Variants in MAGEC2 observed in about 807,000 individuals in gnomAD.
The protein encoded by MAGEC2 is melanoma-associated antigen C2.
For synonymous variants in MAGEC2, 127 were observed against 115.1 expected (o/e 1.10, Z -0.66); for missense variants, 332 against 282.3 (o/e 1.18, Z -1.26).
rs140435962 is a variant in MAGEC2, at chrX:142,203,970, G to A, written c.18C>T (p.Gly6=). The A allele has an allele frequency of 4.2e-5, 50 of 1,179,002 alleles. No individual in the cohort carries two copies. Among genetic ancestry groups the A allele is most frequent in the African/African-American group, 2.5e-4 (14 of 56,035 alleles). ...CGTTGTCAACGTTGCGGAATGGAACGCCTGGAACGGGAGGCATGACGACTT... is the reference window on the plus strand; with the variant it reads ...CGTTGTCAACGTTGCGGAATGGAACACCTGGAACGGGAGGCATGACGACTT... MPPVP[G]VPFRNVDNDS... The change falls in exon 3 of 3, where the codon GGC becomes GGT. Residue 6 remains glycine, a synonymous_variant. Transcript: ENST00000247452.
In MAGEC2 at chrX:142,203,979, G is replaced by C; in HGVS notation, c.9C>G (p.Pro3=). Residue 3 remains proline, a synonymous_variant, in exon 3 of 3, where the codon CCC becomes CCG. Transcript: ENST00000247452. The stretch of plus-strand genomic sequence containing the variant: ...CGTTGCGGAATGGAACGCCTGGAAC[G>C]GGAGGCATGACGACTTCTTCAGGAG... The part of the protein sequence containing the change: MP[P]VPGVPFRNVD... The C allele has an allele frequency of 8.5e-7, 1 of 1,183,428 alleles. No homozygotes were observed. The highest frequency in any genetic ancestry group is 3.0e-5 in the East Asian group (1 of 33,598).
At position 142,203,124 on chromosome X, in the gene MAGEC2, C is replaced by T. The variant is rs1040928914; in HGVS notation, c.864G>A (p.Glu288=). The part of the protein sequence containing the change: ...WVQGHYLEYR[E]VPHSSPPYYE... ...AATATGGAGGAGAACTGTGGGGCAC[C>T]TCCCGATACTCCAGGTAATGTCCCT... Residue 288 remains glutamate, a synonymous_variant, in exon 3 of 3, where the codon GAG becomes GAA. Transcript: ENST00000247452. 1.7e-6 allele frequency: 2 copies of T among 1,209,414 alleles called. No individual in the cohort carries two copies. Among genetic ancestry groups the T allele is most frequent in the Admixed American group, 2.2e-5 (1 of 45,713 alleles).
rs756273706 is a variant in MAGEC2 at position 142,203,399 on chromosome X, G to A, written c.589C>T (p.Leu197=). The A allele has an allele frequency of 1.7e-5, 21 of 1,211,636 alleles. No homozygotes were observed. The South Asian group carries it at 3.5e-4, about 20-fold the overall frequency. Residue 197 remains leucine (L), a synonymous_variant, in exon 3 of 3, where the codon CTG becomes TTG. Transcript: ENST00000247452. ...AAGTGGTCAGGGCCCACTTCTATCA[G>A]GGCAAGGCCAAAAAGAAGCTCCATG... The part of the protein sequence containing the change: ...EFMELLFGLA[L]IEVGPDHFCV...
Position 142,203,407 on chromosome X carries a change from C to T in MAGEC2, c.581G>A (p.Gly194Asp), listed in dbSNP as rs1485188691. The T allele has an allele frequency of 3.3e-6, 4 of 1,211,330 alleles. No homozygotes were observed. The highest frequency in any genetic ancestry group is 3.0e-5 in the East Asian group (1 of 33,785). Reference protein sequence around the residue: ...RAREFMELLFGLALIEVGPDH... With the variant: ...RAREFMELLFDLALIEVGPDH... ...AGGGCCCACTTCTATCAGGGCAAGG[C>T]CAAAAAGAAGCTCCATGAACTCACG... is the stretch of plus-strand genomic sequence containing the variant. The change falls in exon 3 of 3, where the codon GGC (glycine) becomes GAC (aspartate). Residue 194 changes from glycine to aspartate, a missense_variant. By Grantham distance (94) the Gly-to-Asp change is moderately conservative (BLOSUM62 -1). Transcript: ENST00000247452.
At position 142,203,540 on chromosome X, in the gene MAGEC2, C is replaced by T. The variant is rs765668040; in HGVS notation, c.448G>A (p.Glu150Lys). ...GCTTCGTATTTGAGGAGCAGGAACT[C>T]CACTAACTCGGCCACCTTTTCATCT... ...TLDEKVAELVEFLLLKYEAEE... is the reference protein window; with the variant it reads ...TLDEKVAELVKFLLLKYEAEE... The change falls in exon 3 of 3, where the codon GAG becomes AAG. Residue 150 changes from glutamate (E) to lysine (K), a missense_variant. Physicochemically the swap from Glu to Lys is moderately conservative, Grantham distance 56. Transcript: ENST00000247452. 8.3e-7 allele frequency: 1 copy of T among 1,209,065 alleles called. No homozygotes were observed. Among genetic ancestry groups the T allele is most frequent in the African/African-American group, 1.8e-5 (1 of 56,826 alleles).
In MAGEC2 at chrX:142,202,846, GGAA is replaced by G; in HGVS notation, c.*17_*19del. 8.4e-7 allele frequency: 1 copy of G among 1,192,514 alleles called. No homozygotes were observed. The highest frequency in any genetic ancestry group is 1.1e-6 in the Non-Finnish European group (1 of 885,517). ...TAAACTGCCCTGTTCAAACACAAGG[GGAA>G]GAAACTATCCTAGACTTCACTCAGA... On this transcript the variant is annotated 3_prime_UTR_variant, in exon 3 of 3. Coordinates refer to ENST00000247452, the MANE Select transcript of MAGEC2 (RefSeq NM_016249.4).
In MAGEC2 at chrX:142,202,757, G is replaced by T; in HGVS notation, c.*109C>A. On this transcript the variant is annotated 3_prime_UTR_variant, in exon 3 of 3. Transcript: ENST00000247452. ...AGGTAAATCTCTACATCACCCATAT[G>T]GGACAGAAATGCAAAGAACACTACG... The T allele has an allele frequency of 1.3e-6, 1 of 754,449 alleles. No homozygotes were observed. Among genetic ancestry groups the T allele is most frequent in the South Asian group, 3.0e-5 (1 of 33,317 alleles). The allele number at this position is 754,449 out of a possible 1,213,427, so 62.2% of individuals were successfully genotyped here. A position where few individuals can be genotyped will look rare whatever the true frequency, so the allele number is the denominator to read the frequency against.
rs765734550 is a variant in MAGEC2 at position 142,202,958 on chromosome X, C to A, written c.1030G>T (p.Val344Phe). 4 of 1,211,631 alleles carry A rather than the reference C, an allele frequency of 3.3e-6. No homozygotes were observed. In the South Asian group the frequency reaches 7.0e-5, roughly 21 times the overall value. The change falls in exon 3 of 3, where the codon GTC (valine) becomes TTC (phenylalanine). Residue 344 changes from valine (V) to phenylalanine (F), a missense_variant. Val to Phe is a conservative substitution (Grantham distance 50, BLOSUM62 -1). Transcript: ENST00000247452. ...TCTGCGGTATCAATTGTGGCCTGGA[C>A]TCTCTCTTCCACATCTTTCAAAGCA... ...KDALKDVEER[V>F]QATIDTADDA... is the part of the protein sequence containing the mutation.
In MAGEC2 at chrX:142,203,563, T is replaced by C. The variant is rs780662067; in HGVS notation, c.425A>G (p.Asp142Gly). The stretch of plus-strand genomic sequence containing the variant: ...CTCCACTAACTCGGCCACCTTTTCA[T>C]CTAGTGTATATGTGAAAGAGGACTC... ...DSESSFTYTL[D>G]EKVAELVEFL... Residue 142 changes from aspartate to glycine, a missense_variant, in exon 3 of 3, where the codon GAT (aspartate) becomes GGT (glycine). Physicochemically the swap from Asp to Gly is moderately conservative, Grantham distance 94. Coordinates refer to ENST00000247452, the MANE Select transcript of MAGEC2 (RefSeq NM_016249.4). 40 of 1,208,671 alleles carry C rather than the reference T, an allele frequency of 3.3e-5. No homozygotes were observed. The highest frequency in any genetic ancestry group is 3.7e-5 in the Non-Finnish European group (33 of 894,813).
In MAGEC2 at chrX:142,204,730, T is replaced by C. The variant is rs1931209720; in HGVS notation, c.-160-275A>G. Among the ~76,000 whole-genome samples the C allele has an allele frequency of 3.6e-5, 4 of 111,344 alleles. No homozygotes were observed. In the South Asian group the frequency reaches 1.5e-3, roughly 43 times the overall value. On this transcript the variant is annotated intron_variant, in intron 1 of 2. Transcript: ENST00000247452. ...GCAGCCACCTCCCAGCACTCTACCA[T>C]GGGGGCAGTCGGGGTAGCCTCACGT...
intron 1 of MAGEC2, 102 bp downstream of exon 1, chrX:142,205,001 G>C (rs779168413): frequency 6.3e-4 from 70 of 111,959 alleles, no homozygotes; most frequent in African/African-American, 2.1e-3. Context: ...TGCCCTCTGA[G>C]GTGGGGGTTC....
intron 2 of MAGEC2, 82 bp from the exon 3 acceptor site, chrX:142,204,135 C>G: frequency 8.6e-7 from 1 of 1,168,944 alleles, no homozygotes; most frequent in East Asian, 3.0e-5. Flanking sequence ...CCTTACAGCT[C>G]TTCTTCTCTT....
In MAGEC2 at chrX:142,203,110, G is replaced by C; in HGVS notation, c.878C>G (p.Ser293Cys). 8.3e-7 allele frequency: 1 copy of C among 1,211,451 alleles called. No individual in the cohort carries two copies. Among genetic ancestry groups the C allele is most frequent in the Non-Finnish European group, 1.1e-6 (1 of 895,423 alleles). Reference protein sequence around the residue: ...YLEYREVPHSSPPYYEFLWGP... With the variant: ...YLEYREVPHSCPPYYEFLWGP... ...CCACAGGAATTCATAATATGGAGGAGAACTGTGGGGCACCTCCCGATACTC... is the reference window on the plus strand; with the variant it reads ...CCACAGGAATTCATAATATGGAGGACAACTGTGGGGCACCTCCCGATACTC... Residue 293 changes from serine (S) to cysteine (C), a missense_variant, in exon 3 of 3, where the codon TCT (serine) becomes TGT (cysteine). Physicochemically the swap from Ser to Cys is moderately radical, Grantham distance 112. Transcript: ENST00000247452.
chrX:142,204,477 C>A (rs1731032999), intron 1 of MAGEC2, 22 bp from the exon 2 acceptor site: 1 of 163,192 alleles, frequency 6.1e-6, no homozygotes, highest in African/African-American at 3.1e-5. Flanking sequence ...AGTGAGGGAG[C>A]CCCTCAGGCT....
Position 142,203,210 on chromosome X carries a change from C to A in MAGEC2, c.778G>T (p.Ala260Ser). The change falls in exon 3 of 3, where the codon GCT becomes TCT. Residue 260 changes from alanine to serine, a missense_variant. Physicochemically the swap from Ala to Ser is moderately conservative, Grantham distance 99. Transcript: ENST00000247452. ...CCATAGACGAAGTGCTCCCTCCCAG[C>A]ATATACCCCTACTGCATTCAGCACT... ...WEVLNAVGVY[A>S]GREHFVYGEP... The A allele has an allele frequency of 8.3e-7, 1 of 1,211,554 alleles. No individual in the cohort carries two copies. Among genetic ancestry groups the A allele is most frequent in the Non-Finnish European group, 1.1e-6 (1 of 895,443 alleles).
At position 142,203,468 on chromosome X, in the gene MAGEC2, A is replaced by T; in HGVS notation, c.520T>A (p.Tyr174Asn). The T allele has an allele frequency of 1.7e-6, 2 of 1,211,667 alleles. No individual in the cohort carries two copies. Among genetic ancestry groups the T allele is most frequent in the Non-Finnish European group, 2.2e-6 (2 of 895,479 alleles). Residue 174 changes from tyrosine to asparagine, a missense_variant, in exon 3 of 3, where the codon TAC becomes AAC. Tyr to Asn is a moderately radical substitution (Grantham distance 143). Transcript: ENST00000247452. Reference sequence around the variant, plus strand: ...AGTATCACAGGAAAGTAATCTTTGTACTTGATGACAATCATCAGCATCTCT... The same window carrying T: ...AGTATCACAGGAAAGTAATCTTTGTTCTTGATGACAATCATCAGCATCTCT... ...EAEMLMIVIK[Y>N]KDYFPVILKR...
Position 142,203,535 on chromosome X carries a change from G to A in MAGEC2, c.453C>T (p.Phe151=), listed in dbSNP as rs147374365. ...CCTCTGCTTCGTATTTGAGGAGCAGGAACTCCACTAACTCGGCCACCTTTT... is the reference window on the plus strand; with the variant it reads ...CCTCTGCTTCGTATTTGAGGAGCAGAAACTCCACTAACTCGGCCACCTTTT... ...LDEKVAELVE[F]LLLKYEAEEP... Residue 151 remains phenylalanine, a synonymous_variant, in exon 3 of 3, where the codon TTC becomes TTT. Transcript: ENST00000247452. 1.8e-5 allele frequency: 22 copies of A among 1,209,103 alleles called. No homozygotes were observed. In the African/African-American group the frequency reaches 3.5e-4, roughly 19 times the overall value.
rs757147068 is a variant in MAGEC2, at chrX:142,202,919, T to C, written c.1069A>G (p.Met357Val). 3.3e-6 allele frequency: 4 copies of C among 1,209,317 alleles called. No individual in the cohort carries two copies. Among genetic ancestry groups the C allele is most frequent in the Non-Finnish European group, 4.5e-6 (4 of 894,573 alleles). Residue 357 changes from methionine (M) to valine (V), a missense_variant, in exon 3 of 3, where the codon ATG becomes GTG. Transcript: ENST00000247452. The stretch of plus-strand genomic sequence containing the variant: ...ATGACACTGAGGCTTTCACTGGCCA[T>C]GACAGTGGCATCATCTGCGGTATCA... ...TIDTADDATV[M>V]ASESLSVMSS... is the part of the protein sequence containing the mutation.
rs887034183 is a variant in MAGEC2 at position 142,203,168 on chromosome X, G to A, written c.820C>T (p.Leu274Phe). The change falls in exon 3 of 3, where the codon CTC becomes TTC. Residue 274 changes from leucine to phenylalanine, a missense_variant. Coordinates refer to ENST00000247452, the MANE Select transcript of MAGEC2 (RefSeq NM_016249.4). Reference sequence around the variant, plus strand: ...TGTCCCTGCACCCAAACTTTAGTGAGGAGCTCCCTAGGCTCCCCATAGACG... The same window carrying A: ...TGTCCCTGCACCCAAACTTTAGTGAAGAGCTCCCTAGGCTCCCCATAGACG... Reference protein sequence around the residue: ...HFVYGEPRELLTKVWVQGHYL... With the variant: ...HFVYGEPRELFTKVWVQGHYL... 3 of 1,209,309 alleles carry A rather than the reference G, an allele frequency of 2.5e-6. No homozygotes were observed. Among genetic ancestry groups the A allele is most frequent in the Admixed American group, 4.4e-5 (2 of 45,736 alleles).
Sources: gnomAD v4.1 joint callset for allele counts (sites outside exome capture counted in the v4.1 genomes callset) on GRCh38, gnomAD v4.1.1 for gene constraint, MANE v1.5 for transcripts, NCBI Gene and HGNC (gene_info 2026-07-23, HGNC 2026-07-21) for gene names.